EPS15L1: variants seen among roughly 807,000 people sequenced by gnomAD.
EPS15L1 encodes the protein epidermal growth factor receptor substrate 15-like 1.
Under a neutral mutation model 117.1 loss-of-function variants are expected in EPS15L1, and 43 were observed. The ratio of observed to expected loss-of-function variants is 0.37; its 90% confidence interval spans 0.29 to 0.47. The LOEUF (loss-of-function observed/expected upper bound fraction) is 0.47. Among genes scored for constraint, EPS15L1 ranks in the 20% least tolerant of loss-of-function variants. EPS15L1 has a pLI of 0.99. For synonymous variants in EPS15L1, 459 were observed against 470.5 expected (o/e 0.98, Z 0.32); for missense variants, 981 against 1,164.0 (o/e 0.84, Z 2.29).
chr19:16,368,180 G>A (rs1459600538), intron 22 of EPS15L1, among the ~76,000 whole-genome samples: 1 of 152,094 alleles, frequency 6.6e-6, no homozygotes, highest in East Asian at 1.9e-4. Flanking sequence ...AACACAGAAC[G>A]ATCACACAAC....
chr19:16,455,732 G>A (rs1254864769), intron 1 of EPS15L1, among the ~76,000 whole-genome samples: 1 of 152,216 alleles, frequency 6.6e-6, no homozygotes, highest in African/African-American at 2.4e-5. Flanking sequence ...ATCTGGAGAT[G>A]AGGGTGAGCA....
At chr19:16,424,633 G>A (rs549594725) in intron 9 of EPS15L1, among the ~76,000 whole-genome samples, 2 of 152,122 alleles carry the variant, frequency 1.3e-5, no homozygotes, top group South Asian at 4.1e-4. Context: ...TAACATAGGG[G>A]AGACCATGTT....
At chr19:16,439,209 C>A (rs1599651469) in intron 4 of EPS15L1, among the ~76,000 whole-genome samples, 2 of 151,872 alleles carry the variant, frequency 1.3e-5, no homozygotes, top group East Asian at 3.9e-4. Flanking sequence ...TCCTCAGAAG[C>A]CCTTGCAGAG....
chr19:16,434,189 C>T (rs1045351371), intron 7 of EPS15L1, among the ~76,000 whole-genome samples, 176 bp downstream of exon 7: 3 of 152,104 alleles, frequency 2.0e-5, no homozygotes, highest in Non-Finnish European at 4.4e-5. Context: ...AAGCCACACC[C>T]TAGGAAGCCC....
rs114375125 is a variant in EPS15L1, at chr19:16,365,891, G to A, written c.2381-3907C>T. Among the ~76,000 whole-genome samples, 1 of 152,328 alleles carries A rather than the reference G, an allele frequency of 6.6e-6. No individual in the cohort carries two copies. Among genetic ancestry groups the A allele is most frequent in the African/African-American group, 2.4e-5 (1 of 41,568 alleles). On this transcript the variant is annotated intron_variant, in intron 22 of 23. Transcript: ENST00000455140. This position sits in a 1 kb window ranked among gnomAD's most constrained non-coding sequence, Gnocchi z 4.9. ...CTCGGCACACAGTGGGCTTCAGGAG[G>A]TCCTGGTGAACCAGGTGCCACCTGT...
In EPS15L1 at chr19:16,424,308, G is replaced by A. The variant is rs73931916; in HGVS notation, c.792+775C>T. Among the ~76,000 whole-genome samples the A allele has an allele frequency of 7.7e-3, 1,169 of 152,258 alleles. 14 individuals carry two copies. The highest frequency in any genetic ancestry group is 0.027 in the African/African-American group (1,135 of 41,542). On this transcript the variant is annotated intron_variant, in intron 9 of 23. Transcript: ENST00000455140. Reference sequence around the variant, plus strand: ...TGATCCTACCAATGCCGTCGTGGGGGCAGGAGCTATACCCTCCCACCCCAC... The same window carrying A: ...TGATCCTACCAATGCCGTCGTGGGGACAGGAGCTATACCCTCCCACCCCAC...
intron 22 of EPS15L1, among the ~76,000 whole-genome samples, chr19:16,363,605 G>A (rs570959237): frequency 1.9e-3 from 296 of 152,278 alleles, no homozygotes; most frequent in Non-Finnish European, 2.9e-3. Flanking sequence ...TCTGGGCCTC[G>A]GCAAGGGAAA....
chr19:16,462,725 G>A (rs2093265296), intron 1 of EPS15L1, among the ~76,000 whole-genome samples: 1 of 152,156 alleles, frequency 6.6e-6, no homozygotes, highest in Admixed American at 6.6e-5. Flanking sequence ...AAGGCAGAGA[G>A]GGGGCCAGGA....
intron 3 of EPS15L1, 137 bp from the exon 4 acceptor site, chr19:16,441,046 G>A (rs1303514122): frequency 3.6e-6 from 3 of 837,704 alleles, no homozygotes; most frequent in Non-Finnish European, 6.1e-6. Flanking sequence ...TGCAGATGAA[G>A]AAGCCAATTC....
In EPS15L1 at chr19:16,384,771, C is replaced by T. The variant is rs541516023; in HGVS notation, c.2247+358G>A. Among the ~76,000 whole-genome samples, 55 of 152,364 alleles carry T rather than the reference C, an allele frequency of 3.6e-4. No homozygotes were observed. In the South Asian group the frequency reaches 3.9e-3, roughly 11 times the overall value. The stretch of plus-strand genomic sequence containing the variant: ...CTCGCTGGCCCACTTTCCCTGGACG[C>T]CTCGCACCTGCAGGCCTGCTGCCCA... On this transcript the variant is annotated intron_variant, in intron 21 of 23. Coordinates refer to ENST00000455140, the MANE Select transcript of EPS15L1 (RefSeq NM_001258374.3).
intron 3 of EPS15L1, 152 bp from the exon 4 acceptor site, chr19:16,441,061 C>T (rs2093026768): frequency 5.2e-6 from 4 of 770,718 alleles, no homozygotes; most frequent in South Asian, 2.9e-5. Flanking sequence ...CAATTCAGAG[C>T]AGGTGAATGA....
intron 22 of EPS15L1, among the ~76,000 whole-genome samples, chr19:16,373,395 G>C (rs150390626): frequency 6.9e-4 from 104 of 151,540 alleles, no homozygotes; most frequent in African/African-American, 2.4e-3. Flanking sequence ...GGGGTAGCAA[G>C]AAAGGCAGAA....
chr19:16,409,919 C>CA (rs2092690780), intron 13 of EPS15L1, among the ~76,000 whole-genome samples: 1 of 118,270 alleles, frequency 8.5e-6, no homozygotes, highest in Non-Finnish European at 1.6e-5. Context: ...GCCTGGGCCA[C>CA]AGAGTGAGAC....
intron 10 of EPS15L1, 40 bp from the exon 11 acceptor site, chr19:16,418,144 G>A (rs199585528): frequency 2.3e-5 from 36 of 1,575,976 alleles, no homozygotes; most frequent in South Asian, 3.5e-5. Context: ...CATCACAGGC[G>A]CCGACTCAGC....
At chr19:16,401,269 C>T (rs996498358) in intron 16 of EPS15L1, 13 of 985,296 alleles carry the variant, frequency 1.3e-5, no homozygotes, top group South Asian at 9.4e-5. Flanking sequence ...GCCCAGGGGA[C>T]GCGTGTGCTT....
intron 21 of EPS15L1, among the ~76,000 whole-genome samples, chr19:16,382,349 G>A (rs2144727192): frequency 6.6e-6 from 1 of 152,272 alleles, no homozygotes; most frequent in South Asian, 2.1e-4. Context: ...CGGCTTCAAG[G>A]AAAATCTCTA....
intron 22 of EPS15L1, among the ~76,000 whole-genome samples, chr19:16,367,497 TAAAA>T (rs71178691): frequency 6.1e-5 from 4 of 65,304 alleles, no homozygotes; most frequent in Non-Finnish European, 1.1e-4. Flanking sequence ...TATGTGCTGT[TAAAA>T]AAAAAAAAAA....
chr19:16,363,472 A>C (rs1158598319), intron 22 of EPS15L1, among the ~76,000 whole-genome samples: 2 of 152,104 alleles, frequency 1.3e-5, no homozygotes, highest in East Asian at 3.9e-4. Flanking sequence ...GTCCCTCTCC[A>C]TGCCCAGATC....
intron 21 of EPS15L1, 81 bp from the exon 22 acceptor site, chr19:16,377,335 C>A (rs1433918717): frequency 1.2e-5 from 19 of 1,534,994 alleles, no homozygotes; most frequent in East Asian, 2.3e-5. Context: ...GACGCTCATG[C>A]TCCAAGGGCC....
Sources: allele counts gnomAD v4.1 joint callset (sites outside exome capture counted in the v4.1 genomes callset), GRCh38; gene constraint gnomAD v4.1.1; non-coding constraint Gnocchi (gnomAD v3.1); transcripts MANE v1.5; gene names NCBI Gene and HGNC (gene_info 2026-07-23, HGNC 2026-07-21).